Variants in B3GALT1 observed in about 807,000 individuals in gnomAD.
B3GALT1 encodes the protein UDP-Gal:betaGlcNAc beta 1,3-galactosyltransferase, polypeptide 1.
In B3GALT1, 10 loss-of-function variants were observed where a neutral mutation model predicts 23.2. That is an observed-to-expected ratio of 0.43 (90% CI 0.27 to 0.73). The LOEUF is 0.73. Ranked by LOEUF, B3GALT1 falls within the 30% of genes least tolerant of loss-of-function variation. B3GALT1 has a pLI of 0.21. For synonymous variants in B3GALT1, 156 were observed against 141.5 expected (o/e 1.10, Z -0.73); for missense variants, 299 against 405.4 (o/e 0.74, Z 2.25).
chr2:167,647,653 G>A (rs919750688), intron 3 of B3GALT1, among the ~76,000 whole-genome samples: 1 of 152,120 alleles, frequency 6.6e-6, no homozygotes, highest in African/African-American at 2.4e-5. Context: ...AAATCATTAA[G>A]ATATGCATCT....
chr2:167,676,291 T>C (rs527580279), intron 3 of B3GALT1, among the ~76,000 whole-genome samples: 1 of 152,290 alleles, frequency 6.6e-6, no homozygotes, highest in South Asian at 2.1e-4. Context: ...TTTTGCTTTT[T>C]TAACATTTAT....
chr2:167,336,858 T>A (rs1193958895), intron 1 of B3GALT1, among the ~76,000 whole-genome samples: 1 of 152,208 alleles, frequency 6.6e-6, no homozygotes, highest in Non-Finnish European at 1.5e-5. Context: ...AAATGTGTCA[T>A]GAATTTAACC....
intron 3 of B3GALT1, among the ~76,000 whole-genome samples, chr2:167,776,698 G>A (rs1039034682): frequency 5.9e-5 from 9 of 152,248 alleles, no homozygotes; most frequent in Admixed American, 2.0e-4. Flanking sequence ...GAGGTCGTCC[G>A]GGTCTATGAA....
intron 2 of B3GALT1, among the ~76,000 whole-genome samples, chr2:167,523,297 A>C (rs1000543636): frequency 1.3e-5 from 2 of 152,208 alleles, no homozygotes; most frequent in African/African-American, 4.8e-5. Flanking sequence ...TTAAAACTGT[A>C]ATGTTACAAA....
At chr2:167,602,981 C>T (rs1332564678) in intron 2 of B3GALT1, among the ~76,000 whole-genome samples, 3 of 152,104 alleles carry the variant, frequency 2.0e-5, no homozygotes, top group Non-Finnish European at 4.4e-5. Context: ...GTGAAGCCAC[C>T]ACCTTACTCA....
chr2:167,784,007 A>G (rs1688294751), intron 3 of B3GALT1, among the ~76,000 whole-genome samples: 1 of 152,186 alleles, frequency 6.6e-6, no homozygotes, highest in Admixed American at 6.5e-5. Flanking sequence ...AAACGCTATG[A>G]AGTAGATGGC....
In B3GALT1 at chr2:167,542,719, G is replaced by A. The variant is rs532367433; in HGVS notation, c.-410+52442G>A. Among the ~76,000 whole-genome samples the A allele has an allele frequency of 3.3e-5, 5 of 151,460 alleles. No homozygotes were observed. The South Asian group carries it at 8.4e-4, about 25-fold the overall frequency. ...AGTGGAATTCTGCTTCTCCTATCTT[G>A]TTTTTGAAATGCATAGTTTACATAG... On this transcript the variant is annotated intron_variant, in intron 2 of 4. Coordinates refer to ENST00000392690, the MANE Select transcript of B3GALT1 (RefSeq NM_020981.4).
intron 1 of B3GALT1, among the ~76,000 whole-genome samples, chr2:167,422,735 G>A (rs1364350799): frequency 6.6e-6 from 1 of 152,118 alleles, no homozygotes; most frequent in African/African-American, 2.4e-5. Context: ...CAAGACTGAT[G>A]TTCTGGAAAT....
At chr2:167,467,101 T>C (rs2105328811) in intron 1 of B3GALT1, among the ~76,000 whole-genome samples, 1 of 151,842 alleles carries the variant, frequency 6.6e-6, no homozygotes, top group South Asian at 2.1e-4. Context: ...TGCAAATTTG[T>C]CTACAATTTT....
intron 3 of B3GALT1, among the ~76,000 whole-genome samples, chr2:167,649,958 T>A (rs145835035): frequency 6.6e-6 from 1 of 152,178 alleles, no homozygotes; most frequent in Non-Finnish European, 1.5e-5. Flanking sequence ...CAATGTTGAA[T>A]AGATGTAATG....
chr2:167,701,009 C>T (rs116606590), intron 3 of B3GALT1, among the ~76,000 whole-genome samples: 143 of 152,272 alleles, frequency 9.4e-4, no homozygotes, highest in African/African-American at 3.2e-3. Context: ...TACCATGTAC[C>T]GTGGATTGTG....
chr2:167,522,069 C>T (rs1700198500), intron 2 of B3GALT1, among the ~76,000 whole-genome samples: 1 of 143,168 alleles, frequency 7.0e-6, no homozygotes, highest in African/African-American at 2.6e-5. Flanking sequence ...TAAATGTGGC[C>T]CAAAATATAT....
intron 2 of B3GALT1, among the ~76,000 whole-genome samples, chr2:167,575,873 G>T (rs1200533890): frequency 1.3e-5 from 2 of 151,706 alleles, no homozygotes; most frequent in East Asian, 3.8e-4. Context: ...TTTCAAAACA[G>T]GGAGTTCACG....
chr2:167,328,206 AT>A (rs1696925583), intron 1 of B3GALT1, among the ~76,000 whole-genome samples: 1 of 152,206 alleles, frequency 6.6e-6, no homozygotes, highest in South Asian at 2.1e-4. Context: ...CATTGTCTGG[AT>A]TTGGTATCAG....
intron 1 of B3GALT1, among the ~76,000 whole-genome samples, chr2:167,386,216 A>G (rs562944831): frequency 3.9e-5 from 6 of 152,204 alleles, no homozygotes; most frequent in Admixed American, 6.5e-5. Flanking sequence ...AAGTTCAGCT[A>G]TGGTTTGAAA....
In B3GALT1 at chr2:167,576,532, G is replaced by T. The variant is rs74802843; in HGVS notation, c.-409-70377G>T. The stretch of plus-strand genomic sequence containing the variant: ...TTTTTGTTTTTCTGTTTTTTTTTTT[G>T]TTTTTTTTTTTTGTTTTTTTTTCAG... On this transcript the variant is annotated intron_variant, in intron 2 of 4. Coordinates refer to ENST00000392690, the MANE Select transcript of B3GALT1 (RefSeq NM_020981.4). Among the ~76,000 whole-genome samples, 479 of 110,364 alleles carry T rather than the reference G, an allele frequency of 4.3e-3. 2 individuals carry two copies. Among genetic ancestry groups the T allele is most frequent in the South Asian group, 0.011 (38 of 3,394 alleles). 72.4% of individuals were successfully genotyped at this position (110,364 alleles called of 152,430 possible). A position where few individuals can be genotyped will look rare whatever the true frequency, so the allele number is the denominator to read the frequency against.
intron 2 of B3GALT1, among the ~76,000 whole-genome samples, chr2:167,597,215 A>G (rs865990307): frequency 6.6e-6 from 1 of 150,426 alleles, no homozygotes; most frequent in Non-Finnish European, 1.5e-5. Flanking sequence ...TTCCGGGTTC[A>G]TGCCATTCTC....
chr2:167,552,793 C>A (rs761424643), intron 2 of B3GALT1, among the ~76,000 whole-genome samples: 7 of 152,090 alleles, frequency 4.6e-5, no homozygotes, highest in Non-Finnish European at 8.8e-5. Context: ...TTGGGAAAAC[C>A]AGTGTGCATG....
chr2:167,543,364 G>C (rs1243910410), intron 2 of B3GALT1, among the ~76,000 whole-genome samples: 3 of 152,142 alleles, frequency 2.0e-5, no homozygotes, highest in Non-Finnish European at 4.4e-5. Flanking sequence ...CATTTTTTGA[G>C]AGTATTAATG....
Sources: allele counts gnomAD v4.1 joint callset (sites outside exome capture counted in the v4.1 genomes callset), GRCh38; gene constraint gnomAD v4.1.1; transcripts MANE v1.5; gene names NCBI Gene and HGNC (gene_info 2026-07-23, HGNC 2026-07-21).